The following MCHR2 variants were observed in gnomAD, a reference collection of about 807,000 sequenced individuals.
The protein encoded by MCHR2 is melanin-concentrating hormone receptor 2.
In MCHR2, 15 loss-of-function variants were observed where a neutral mutation model predicts 24.8. The ratio of observed to expected loss-of-function variants is 0.60; its 90% CI spans 0.40 to 0.93. The LOEUF (loss-of-function observed/expected upper bound fraction) is 0.93. Ranked by LOEUF, MCHR2 falls within the 40% of genes least tolerant of loss-of-function variation. The pLI is 0.00. For synonymous variants in MCHR2, 151 were observed against 147.6 expected, an observed-to-expected ratio of 1.02 and a Z score of -0.17; for missense variants, 386 against 408.7, an observed-to-expected ratio of 0.94 and a Z score of 0.48.
rs1216584655 is a variant in MCHR2 at position 99,919,385 on chromosome 6, AAT to A, written c.*1553_*1554del. On this transcript the variant is annotated 3_prime_UTR_variant, in exon 6 of 6. Transcript: ENST00000281806. The stretch of plus-strand genomic sequence containing the variant: ...TACAAGTTTATCCAAACACAATTGA[AAT>A]ATAAAAATGGAGATCAGATATAAAA... Among the ~76,000 whole-genome samples, 1 of 152,234 alleles carries A rather than the reference AAT, an allele frequency of 6.6e-6. No homozygotes were observed. The highest frequency in any genetic ancestry group is 1.5e-5 in the Non-Finnish European group (1 of 68,038).
chr6:99,921,940 T>C (rs906333591), intron 5 of MCHR2, among the ~76,000 whole-genome samples: 1 of 152,226 alleles, frequency 6.6e-6, no homozygotes, highest in Non-Finnish European at 1.5e-5. Context: ...TCCATGTTCT[T>C]GCAATTGACA....
chr6:99,931,614 A>T (rs369765882), intron 5 of MCHR2, among the ~76,000 whole-genome samples: 10 of 151,766 alleles, frequency 6.6e-5, no homozygotes, highest in Admixed American at 2.0e-4. Context: ...AATTAGCGAG[A>T]CTCTGTGGGC....
At chr6:99,969,202 G>A (rs770966826) in intron 1 of MCHR2, among the ~76,000 whole-genome samples, 16 of 152,184 alleles carry the variant, frequency 1.1e-4, no homozygotes, top group Admixed American at 2.0e-4. Context: ...AGGGCCAGGC[G>A]TGGTGGCTCA....
chr6:99,970,352 T>C (rs1775382141), intron 1 of MCHR2, among the ~76,000 whole-genome samples: 1 of 152,244 alleles, frequency 6.6e-6, no homozygotes. Context: ...GCTGCATAAA[T>C]ATCTTCTTTT....
intron 4 of MCHR2, among the ~76,000 whole-genome samples, chr6:99,935,123 A>T (rs1464471774): frequency 6.6e-6 from 1 of 152,086 alleles, no homozygotes; most frequent in Non-Finnish European, 1.5e-5. Flanking sequence ...TATATGTGAT[A>T]GTTTAATACA....
chr6:99,969,194 G>A (rs1775346116), intron 1 of MCHR2, among the ~76,000 whole-genome samples: 1 of 152,056 alleles, frequency 6.6e-6, no homozygotes, highest in East Asian at 1.9e-4. Context: ...AAAACTCGAG[G>A]GCCAGGCGTG....
intron 1 of MCHR2, among the ~76,000 whole-genome samples, chr6:99,961,121 T>G (rs1177565552): frequency 6.6e-6 from 1 of 151,534 alleles, no homozygotes; most frequent in Non-Finnish European, 1.5e-5. Flanking sequence ...TTAAACAAAT[T>G]TACAAGAAAA....
At chr6:99,930,777 T>A (rs1203817980) in intron 5 of MCHR2, among the ~76,000 whole-genome samples, 1 of 152,160 alleles carries the variant, frequency 6.6e-6, no homozygotes, top group Non-Finnish European at 1.5e-5. Context: ...TCTTTCCCTT[T>A]GGTTTGAATT....
chr6:99,993,011 A>G (rs1775914527), intron 1 of MCHR2, among the ~76,000 whole-genome samples: 1 of 152,320 alleles, frequency 6.6e-6, no homozygotes, highest in East Asian at 1.9e-4. Context: ...CATTGAAAAC[A>G]GATTGCCTCC....
chr6:99,919,395 T>C lies in MCHR2; in HGVS notation c.*1545A>G, dbSNP rs972579829. ...TCCAAACACAATTGAAATATAAAAA[T>C]GGAGATCAGATATAAAAATGGTTAA... On this transcript the variant is annotated 3_prime_UTR_variant, in exon 6 of 6. Coordinates refer to ENST00000281806, the MANE Select transcript of MCHR2 (RefSeq NM_001040179.2). 1.3e-5 allele frequency among the ~76,000 whole-genome samples: 2 copies of C among 152,174 alleles called. No homozygotes were observed. The highest frequency in any genetic ancestry group is 4.8e-5 in the African/African-American group (2 of 41,456).
chr6:99,927,646 T>C (rs1051943885), intron 5 of MCHR2, among the ~76,000 whole-genome samples: 5 of 151,992 alleles, frequency 3.3e-5, no homozygotes, highest in Non-Finnish European at 7.4e-5. Flanking sequence ...TTGTCTGTTA[T>C]TGGTGTATAA....
intron 1 of MCHR2, among the ~76,000 whole-genome samples, chr6:99,971,053 T>A (rs1386510901): frequency 1.3e-5 from 2 of 152,196 alleles, no homozygotes; most frequent in Non-Finnish European, 2.9e-5. Context: ...AGGCTCTTTT[T>A]TGGTTCCATA....
intron 5 of MCHR2, among the ~76,000 whole-genome samples, chr6:99,925,329 G>A (rs965623950): frequency 5.3e-5 from 8 of 151,736 alleles, no homozygotes; most frequent in African/African-American, 1.7e-4. Context: ...AGATCAACAG[G>A]TCTTGTTTTT....
chr6:99,955,294 T>C (rs1033858382), intron 2 of MCHR2, among the ~76,000 whole-genome samples: 27 of 152,158 alleles, frequency 1.8e-4, no homozygotes, highest in African/African-American at 5.1e-4. Flanking sequence ...ATTCTCCAAG[T>C]AAAGTTCTTA....
chr6:99,959,023 C>T (rs997306591), intron 1 of MCHR2, among the ~76,000 whole-genome samples: 1 of 152,114 alleles, frequency 6.6e-6, no homozygotes, highest in Non-Finnish European at 1.5e-5. Flanking sequence ...TGCTGCTTGG[C>T]AGTATCTTCC....
intron 5 of MCHR2, among the ~76,000 whole-genome samples, chr6:99,930,262 G>C (rs1774485943): frequency 6.6e-6 from 1 of 152,012 alleles, no homozygotes. Context: ...CTCTCTGGCT[G>C]CCCTTAACAT....
At chr6:99,941,571 G>A (rs573661319) in intron 4 of MCHR2, among the ~76,000 whole-genome samples, 10 of 152,198 alleles carry the variant, frequency 6.6e-5, no homozygotes, top group African/African-American at 1.7e-4. Flanking sequence ...CATGAGAGTC[G>A]CGCCTTCATG....
intron 3 of MCHR2, among the ~76,000 whole-genome samples, chr6:99,943,970 A>G (rs1171662986): frequency 6.6e-6 from 1 of 152,210 alleles, no homozygotes. Context: ...GAAGGGGTTC[A>G]GGCACATAGA....
chr6:99,924,549 C>A (rs1774309166), intron 5 of MCHR2, among the ~76,000 whole-genome samples: 1 of 152,016 alleles, frequency 6.6e-6, no homozygotes. Context: ...CAGCTATAAA[C>A]TTCCCATTTA....
Sources: allele counts gnomAD v4.1 joint callset (sites outside exome capture counted in the v4.1 genomes callset), GRCh38; gene constraint gnomAD v4.1.1; transcripts MANE v1.5; gene names NCBI Gene and HGNC (gene_info 2026-07-23, HGNC 2026-07-21).